NCAM1: variants seen among roughly 807,000 people sequenced by gnomAD.
NCAM1 encodes the protein neural cell adhesion molecule 1, also known as antigen recognized by monoclonal antibody 5.1H11.
Under a neutral mutation model 109.8 loss-of-function variants are expected in NCAM1, and 14 were observed. The ratio of observed to expected loss-of-function variants is 0.13; its 90% confidence interval spans 0.08 to 0.20. NCAM1 has a LOEUF of 0.20. Among genes scored for constraint, NCAM1 ranks in the 10% least tolerant of loss-of-function variants. The pLI, the probability that NCAM1 is intolerant of heterozygous loss-of-function variation, is 1.00. For synonymous variants in NCAM1, 418 were observed against 442.9 expected, an observed-to-expected ratio of 0.94 and a Z score of 0.70; for missense variants, 774 against 1,109.9, an observed-to-expected ratio of 0.70 and a Z score of 4.30.
intron 1 of NCAM1, among the ~76,000 whole-genome samples, chr11:112,984,468 C>G (rs1374506678): frequency 6.6e-6 from 1 of 151,808 alleles, no homozygotes; most frequent in Admixed American, 6.6e-5. Flanking sequence ...TAGGAACCCC[C>G]ATTCTGTTTT....
At chr11:113,043,449 G>A (rs1953149418) in intron 1 of NCAM1, among the ~76,000 whole-genome samples, 1 of 152,126 alleles carries the variant, frequency 6.6e-6, no homozygotes, top group African/African-American at 2.4e-5. Context: ...CGATTCTCCT[G>A]CCCCAGCCTC....
intron 1 of NCAM1, among the ~76,000 whole-genome samples, chr11:113,100,913 CTCTGTGATGGCT>C (rs1939847504): frequency 1.3e-5 from 2 of 152,154 alleles, no homozygotes; most frequent in Non-Finnish European, 2.9e-5. Context: ...ACTGTGGCCA[CTCTGTGATGGCT>C]TCTGTAGAAT....
chr11:112,999,940 A>G (rs1951698558), intron 1 of NCAM1, among the ~76,000 whole-genome samples: 1 of 152,194 alleles, frequency 6.6e-6, no homozygotes, highest in Non-Finnish European at 1.5e-5. Context: ...TTAAAACACC[A>G]TTAGTCACCA....
chr11:113,204,410 T>C lies in NCAM1; in HGVS notation c.252T>C (p.Tyr84=). 6.2e-7 allele frequency: 1 copy of C among 1,614,016 alleles called. No homozygotes were observed. The highest frequency in any genetic ancestry group is 8.5e-7 in the Non-Finnish European group (1 of 1,179,880). Residue 84 remains tyrosine, a synonymous_variant, in exon 3 of 20, where the codon TAT becomes TAC. Coordinates refer to ENST00000316851, the MANE Select transcript of NCAM1 (RefSeq NM_181351.5). The part of the protein sequence containing the change: ...NDDSSSTLTI[Y]NANIDDAGIY... ...ATTCCTCCTCCACCCTCACCATCTA[T>C]AACGCCAACATCGACGACGCCGGCA...
chr11:113,204,646 C>A, intron 3 of NCAM1, 142 bp downstream of exon 3: 1 of 786,692 alleles, frequency 1.3e-6, no homozygotes, highest in Non-Finnish European at 2.0e-6. Flanking sequence ...TCTTTTCTGA[C>A]CTTGGCCAAC....
chr11:113,033,451 A>G (rs1263443234), intron 1 of NCAM1, among the ~76,000 whole-genome samples: 3 of 152,188 alleles, frequency 2.0e-5, no homozygotes, highest in African/African-American at 7.2e-5. Context: ...ATGAAAGATT[A>G]AGATGAAAAT....
chr11:113,004,025 G>A (rs1951825001), intron 1 of NCAM1, among the ~76,000 whole-genome samples: 2 of 152,180 alleles, frequency 1.3e-5, no homozygotes, highest in Non-Finnish European at 2.9e-5. Context: ...AGGGAGAGGA[G>A]AAGATGACAA....
At chr11:113,270,047 C>T (rs976979073) in intron 17 of NCAM1, 141 bp from the exon 18 acceptor site, 1 of 765,812 alleles carries the variant, frequency 1.3e-6, no homozygotes, top group African/African-American at 1.7e-5. Context: ...CATAGAAGGT[C>T]CCCAGGAAGG....
rs55798470 is a variant in NCAM1, at chr11:113,244,654, C to CGTGTGTGT, written c.1826-1688_1826-1681dup. On this transcript the variant is annotated intron_variant, in intron 14 of 19. Transcript: ENST00000316851. ...TCCCAGTTTTGCTTCTGTGTGTGTG[C>CGTGTGTGT]GTGTGTGTGTGTGTGTGTGTGTGTG... Among the ~76,000 whole-genome samples the CGTGTGTGT allele has an allele frequency of 2.9e-3, 442 of 149,862 alleles. 2 individuals are homozygous for CGTGTGTGT. Among genetic ancestry groups the CGTGTGTGT allele is most frequent in the African/African-American group, 0.01 (416 of 40,716 alleles).
chr11:113,000,337 A>G (rs1469370087), intron 1 of NCAM1, among the ~76,000 whole-genome samples: 4 of 152,172 alleles, frequency 2.6e-5, no homozygotes, highest in African/African-American at 4.8e-5. Flanking sequence ...GACAGTTGTG[A>G]TAAGTGCTGT....
In NCAM1 at chr11:113,177,578, C is replaced by T. The variant is rs530573385; in HGVS notation, c.53-24801C>T. Among the ~76,000 whole-genome samples the T allele has an allele frequency of 3.0e-3, 456 of 152,172 alleles. 2 individuals are homozygous for T. The highest frequency in any genetic ancestry group is 0.011 in the African/African-American group (437 of 41,496). On this transcript the variant is annotated intron_variant, in intron 1 of 19. Transcript: ENST00000316851. ...CCTCCTGAGTAGCTGGGACTACAGG[C>T]GTGTACCACCACACCCAGCTAATTT...
intron 1 of NCAM1, among the ~76,000 whole-genome samples, chr11:113,122,974 T>C (rs782374854): frequency 6.6e-6 from 1 of 152,320 alleles, no homozygotes; most frequent in Non-Finnish European, 1.5e-5. Context: ...AAATATTGTA[T>C]GTTCTCACTC....
At chr11:113,185,079 T>TATATATATATATAGAGAG in intron 1 of NCAM1, among the ~76,000 whole-genome samples, 91 of 125,726 alleles carry the variant, frequency 7.2e-4, no homozygotes, top group East Asian at 4.3e-3. Flanking sequence ...TATATATATA[T>TATATATATATATAGAGAG]AGAGAGAGAG....
intron 14 of NCAM1, chr11:113,240,717 T>C: frequency 7.2e-7 from 1 of 1,394,196 alleles, no homozygotes; most frequent in African/African-American, 1.4e-5. Context: ...GTTGCTTCCA[T>C]TTTTTTTTCA....
chr11:113,111,606 A>G (rs1009628230), intron 1 of NCAM1, among the ~76,000 whole-genome samples: 1 of 152,192 alleles, frequency 6.6e-6, no homozygotes, highest in Non-Finnish European at 1.5e-5. Context: ...GACTGTATAC[A>G]TTTGTTGAAA....
intron 1 of NCAM1, among the ~76,000 whole-genome samples, chr11:112,998,594 C>T (rs1951660887): frequency 6.6e-6 from 1 of 152,108 alleles, no homozygotes; most frequent in Admixed American, 6.6e-5. Flanking sequence ...TCCCATCTAT[C>T]CTGCTTGTGT....
chr11:112,993,325 G>A (rs1591224305), intron 1 of NCAM1, among the ~76,000 whole-genome samples: 1 of 152,070 alleles, frequency 6.6e-6, no homozygotes, highest in Admixed American at 6.5e-5. Context: ...TTGGGGGTGG[G>A]GAGGTGCCAT....
At chr11:113,126,531 C>T (rs1472144287) in intron 1 of NCAM1, among the ~76,000 whole-genome samples, 1 of 152,184 alleles carries the variant, frequency 6.6e-6, no homozygotes, top group Non-Finnish European at 1.5e-5. Context: ...TCACCCTGCT[C>T]TTTTATTGCT....
chr11:113,132,604 A>ATGTGTGTGTGTGTGTGTG (rs71060290), intron 1 of NCAM1, among the ~76,000 whole-genome samples: 20 of 130,400 alleles, frequency 1.5e-4, no homozygotes, highest in African/African-American at 6.2e-4. Context: ...ATTAGGAAGC[A>ATGTGTGTGTGTGTGTGTG]TGTGTGTGTG....
Sources: allele counts gnomAD v4.1 joint callset (sites outside exome capture counted in the v4.1 genomes callset), GRCh38; gene constraint gnomAD v4.1.1; transcripts MANE v1.5; gene names NCBI Gene and HGNC (gene_info 2026-07-23, HGNC 2026-07-21).